Variants in DMD observed in about 807,000 individuals in gnomAD.
DMD encodes dystrophin.
In DMD, 63 loss-of-function variants were observed where a neutral mutation model predicts 330.1. That is an observed-to-expected ratio of 0.19 (90% CI 0.16 to 0.24). DMD has a LOEUF of 0.24. DMD is among the 10% of genes least tolerant of loss of function. DMD has a pLI of 1.00. For synonymous variants in DMD, 1,223 were observed against 959.8 expected (o/e 1.27, Z -5.07); for missense variants, 3,344 against 2,684.1 (o/e 1.25, Z -5.43).
chrX:32,558,962 T>C (rs1162160629), intron 16 of DMD, among the ~76,000 whole-genome samples: 3 of 68,989 alleles, frequency 4.3e-5, no homozygotes, highest in South Asian at 8.5e-4. Flanking sequence ...TTTTTTTTTT[T>C]TTTTTTGAGA....
intron 44 of DMD, among the ~76,000 whole-genome samples, chrX:32,130,514 C>T (rs2096686810): frequency 9.0e-6 from 1 of 111,154 alleles, no homozygotes; most frequent in Non-Finnish European, 1.9e-5. Context: ...ACCCCAATGG[C>T]TTAACATTTA....
intron 7 of DMD, among the ~76,000 whole-genome samples, chrX:32,740,625 A>C (rs2069130663): frequency 8.9e-6 from 1 of 111,760 alleles, no homozygotes; most frequent in Admixed American, 9.5e-5. Context: ...AATATTATAA[A>C]AGCATAAAGT....
At chrX:31,671,827 T>C (rs2081813897) in intron 53 of DMD, among the ~76,000 whole-genome samples, 1 of 111,918 alleles carries the variant, frequency 8.9e-6, no homozygotes, top group Admixed American at 9.5e-5. Flanking sequence ...GTCAATTTTG[T>C]TGACCTTTTC....
chrX:31,774,221 G>T, intron 50 of DMD, 29 bp from the exon 51 acceptor site: 2 of 1,053,643 alleles, frequency 1.9e-6, no homozygotes, highest in East Asian at 6.1e-5. Context: ...TTGCAAAAAG[G>T]AAAAAAGAAG....
At chrX:32,799,676 C>T (rs1250022804) in intron 7 of DMD, among the ~76,000 whole-genome samples, 3 of 107,277 alleles carry the variant, frequency 2.8e-5, no homozygotes, top group Admixed American at 1.0e-4. Flanking sequence ...CCACGACCAA[C>T]GCATGTAGAA....
At chrX:32,587,362 T>G (rs916464219) in intron 13 of DMD, among the ~76,000 whole-genome samples, 1 of 112,325 alleles carries the variant, frequency 8.9e-6, no homozygotes, top group African/African-American at 3.2e-5. Context: ...CAAAGAGATG[T>G]TACCATTAAA....
intron 55 of DMD, among the ~76,000 whole-genome samples, chrX:31,548,587 C>CA (rs1270795287): frequency 2.1e-5 from 2 of 97,041 alleles, no homozygotes; most frequent in African/African-American, 7.6e-5. Flanking sequence ...GACAGGGTTT[C>CA]ACCATATTGG....
Position 31,180,484 on chromosome X carries a change from G to A in DMD, c.9975-3C>T. ...TAAAGTGCTTTAGACTCCTGTACCTGATAAAGAGCAAAAACAAACACGTAT... is the reference window on the plus strand; with the variant it reads ...TAAAGTGCTTTAGACTCCTGTACCTAATAAAGAGCAAAAACAAACACGTAT... On this transcript the variant is annotated splice_polypyrimidine_tract_variant and splice_region_variant and intron_variant, in intron 68 of 78. Transcript: ENST00000357033. 8.8e-7 allele frequency: 1 copy of A among 1,135,874 alleles called. No homozygotes were observed. The highest frequency in any genetic ancestry group is 1.2e-6 in the Non-Finnish European group (1 of 826,461). The allele number at this position is 1,135,874 out of a possible 1,213,427, so 93.6% of individuals were successfully genotyped here.
intron 1 of DMD, among the ~76,000 whole-genome samples, chrX:33,187,110 A>C (rs999175335): frequency 8.9e-5 from 10 of 112,235 alleles, no homozygotes; most frequent in African/African-American, 2.6e-4. Context: ...ATATCATTGA[A>C]TATTCAATAC....
At chrX:32,208,315 T>C (rs1603628325) in intron 44 of DMD, among the ~76,000 whole-genome samples, 1 of 112,019 alleles carries the variant, frequency 8.9e-6, no homozygotes. Context: ...AAATAGAAAT[T>C]GCACATCAAT....
intron 1 of DMD, among the ~76,000 whole-genome samples, chrX:33,165,008 C>G (rs2048983450): frequency 9.3e-6 from 1 of 108,044 alleles, no homozygotes; most frequent in Non-Finnish European, 1.9e-5. Context: ...GATATTAGGA[C>G]ATTTCTAGAA....
At chrX:32,637,507 A>G (rs935431994) in intron 11 of DMD, among the ~76,000 whole-genome samples, 2 of 111,969 alleles carry the variant, frequency 1.8e-5, no homozygotes, top group African/African-American at 6.5e-5. Flanking sequence ...GTGTTCGGGT[A>G]TCTTTATAGC....
intron 2 of DMD, among the ~76,000 whole-genome samples, chrX:32,977,157 G>A (rs1374937876): frequency 3.7e-5 from 4 of 109,507 alleles, no homozygotes; most frequent in Non-Finnish European, 7.6e-5. Context: ...AAAATTAACC[G>A]GGCATGGTGG....
chrX:32,332,413 AGTGTGT>A (rs111973319), intron 41 of DMD, among the ~76,000 whole-genome samples: 115 of 95,347 alleles, frequency 1.2e-3, no homozygotes, highest in African/African-American at 3.9e-3. Flanking sequence ...ATGGATAAAA[AGTGTGT>A]GTGTGTGTGT....
intron 44 of DMD, among the ~76,000 whole-genome samples, chrX:31,994,875 C>T (rs934679440): frequency 3.6e-5 from 4 of 112,146 alleles, no homozygotes; most frequent in African/African-American, 6.5e-5. Flanking sequence ...AATGGAACTG[C>T]GCTAACAGGT....
At chrX:33,285,492 T>G (rs1156616317) in intron 1 of DMD, among the ~76,000 whole-genome samples, 2 of 112,065 alleles carry the variant, frequency 1.8e-5, no homozygotes, top group Non-Finnish European at 1.9e-5. Flanking sequence ...TCAAATAATA[T>G]AACTCAGAAT....
intron 44 of DMD, among the ~76,000 whole-genome samples, chrX:32,122,642 T>C (rs1002140761): frequency 9.0e-6 from 1 of 111,547 alleles, no homozygotes; most frequent in Non-Finnish European, 1.9e-5. Flanking sequence ...TGAGATCATC[T>C]TGAGCTCCCC....
Position 31,351,157 on chromosome X carries a change from T to TACACACACACACACACACAC in DMD, c.9085-2524_9085-2523insGTGTGTGTGTGTGTGTGTGT, listed in dbSNP as rs776501693. Reference sequence around the variant, plus strand: ...ATTCACACACACATAGACATACATATATACACACACACACACACACACATA... The same window carrying TACACACACACACACACACAC: ...ATTCACACACACATAGACATACATATACACACACACACACACACACATACACACACACACACACACACATA... On this transcript the variant is annotated intron_variant, in intron 60 of 78. Transcript: ENST00000357033. Among the ~76,000 whole-genome samples the TACACACACACACACACACAC allele has an allele frequency of 4.6e-3, 364 of 79,882 alleles. 1 individual carries two copies. Among genetic ancestry groups the TACACACACACACACACACAC allele is most frequent in the African/African-American group, 0.018 (356 of 19,348 alleles). 69.4% of individuals were successfully genotyped at this position (79,882 alleles called of 115,157 possible). A position where few individuals can be genotyped will look rare whatever the true frequency, so the allele number is the denominator to read the frequency against.
chrX:32,070,960 C>G (rs2096292328), intron 44 of DMD, among the ~76,000 whole-genome samples: 2 of 111,359 alleles, frequency 1.8e-5, no homozygotes, highest in Admixed American at 9.5e-5. Context: ...TGATGGTTTC[C>G]AGCTTCATCC....
Sources: allele counts gnomAD v4.1 joint callset (sites outside exome capture counted in the v4.1 genomes callset), GRCh38; gene constraint gnomAD v4.1.1; transcripts MANE v1.5; gene names NCBI Gene and HGNC (gene_info 2026-07-23, HGNC 2026-07-21).